Variants in ACP1 observed in about 807,000 individuals in gnomAD.
The protein encoded by ACP1 is acid phosphatase 1, also known as low molecular weight phosphotyrosine protein phosphatase.
ACP1 carries 23 observed loss-of-function variants against 23.4 expected under a neutral mutation model. That is an observed-to-expected ratio of 0.98 (90% confidence interval 0.71 to 1.39). The LOEUF (loss-of-function observed/expected upper bound fraction) is 1.39, where lower values mean the gene tolerates loss of function less well. Ranked by LOEUF, ACP1 falls within the 40% of genes most tolerant of loss-of-function variation. ACP1 has a pLI of 0.00. For synonymous variants in ACP1, 72 were observed against 67.2 expected, an observed-to-expected ratio of 1.07 and a Z score of -0.35; for missense variants, 180 against 197.7, an observed-to-expected ratio of 0.91 and a Z score of 0.54.
Position 277,250 on chromosome 2 carries a change from G to A in ACP1, c.423G>A (p.Thr141=), listed in dbSNP as rs55709515. Residue 141 remains threonine (T), a synonymous_variant, in exon 6 of 6, where the codon ACG becomes ACA. Transcript: ENST00000272065. ...AGGGGAATGACTCTGACTTTGAGAC[G>A]GTGTACCAGCAGTGTGTCAGGTGCT... ...PYYGNDSDFE[T]VYQQCVRCCR... 6,718 of 1,613,706 alleles carry A rather than the reference G, an allele frequency of 4.2e-3. 50 individuals carry two copies. Among genetic ancestry groups the A allele is most frequent in the Non-Finnish European group, 3.8e-3 (4,449 of 1,180,006 alleles).
chr2:266,744 A>C (rs1669897152), intron 1 of ACP1, among the ~76,000 whole-genome samples: 1 of 152,190 alleles, frequency 6.6e-6, no homozygotes, highest in South Asian at 2.1e-4. Context: ...TTACATTTTC[A>C]TGGATAGAAG....
At chr2:268,590 G>C (rs563630240) in intron 1 of ACP1, among the ~76,000 whole-genome samples, 4 of 152,188 alleles carry the variant, frequency 2.6e-5, no homozygotes, top group African/African-American at 9.7e-5. Context: ...TCTCTTACCA[G>C]GTATAGCAGA....
intron 4 of ACP1, among the ~76,000 whole-genome samples, chr2:276,194 C>T (rs893926667): frequency 5.3e-5 from 8 of 152,124 alleles, no homozygotes; most frequent in Admixed American, 3.3e-4. Flanking sequence ...TTGGGTCATT[C>T]GGCTCCTATT....
chr2:274,341 G>A (rs186029880), intron 3 of ACP1, among the ~76,000 whole-genome samples: 7 of 152,200 alleles, frequency 4.6e-5, no homozygotes, highest in Admixed American at 3.9e-4. Context: ...TCCGCAGTAC[G>A]TATGTTTATG....
chr2:269,275 G>A (rs1250121790), intron 1 of ACP1: 1 of 469,384 alleles, frequency 2.1e-6, no homozygotes, highest in Non-Finnish European at 4.4e-6. Flanking sequence ...AGGCTAATTT[G>A]TTGTCTTTCC....
chr2:264,959 G>C lies in ACP1; in HGVS notation c.-6G>C, dbSNP rs528331795. The C allele has an allele frequency of 9.3e-6, 15 of 1,612,454 alleles. No individual in the cohort carries two copies. Among genetic ancestry groups the C allele is most frequent in the African/African-American group, 8.0e-5 (6 of 74,784 alleles). On this transcript the variant is annotated 5_prime_UTR_variant, in exon 1 of 6. Transcript: ENST00000272065. ...GCGGTGTCTCGGCGCCTCTGCGCGC[G>C]GGAAGATGGCGGAACAGGCTACCAA... is the stretch of plus-strand genomic sequence containing the variant.
At chr2:275,940 TATTA>T (rs1198373743) in intron 4 of ACP1, among the ~76,000 whole-genome samples, 1 of 152,266 alleles carries the variant, frequency 6.6e-6, no homozygotes, top group South Asian at 2.1e-4. Flanking sequence ...AATTATTTTT[TATTA>T]ATTAGGACCT....
At chr2:272,666 A>G (rs962707114) in intron 3 of ACP1, 11 of 359,358 alleles carry the variant, frequency 3.1e-5, no homozygotes, top group Admixed American at 4.4e-5. Context: ...GAGGTTATAT[A>G]ATATATACAA....
At chr2:265,053 T>G (rs111546542) in intron 1 of ACP1, 46 bp downstream of exon 1, 5 of 1,605,962 alleles carry the variant, frequency 3.1e-6, no homozygotes, top group Non-Finnish European at 4.2e-6. Flanking sequence ...CTCTGGAGAG[T>G]TGGATCGGGC....
chr2:269,341 G>T (rs753034938), intron 1 of ACP1: 101 of 470,290 alleles, frequency 2.1e-4, no homozygotes, highest in Admixed American at 3.5e-4. Flanking sequence ...GTCTCTGTGG[G>T]AAAAAAGTAC....
chr2:275,211 T>C lies in ACP1; in HGVS notation c.293+10T>C. On this transcript the variant is annotated intron_variant, in intron 4 of 5. Coordinates refer to ENST00000272065, the MANE Select transcript of ACP1 (RefSeq NM_004300.4). ...ATGAAAGCAATCTGAGGTAATCCTGTTTTTGAAGAATATTTCTGTTCAACT... is the reference window on the plus strand; with the variant it reads ...ATGAAAGCAATCTGAGGTAATCCTGCTTTTGAAGAATATTTCTGTTCAACT... 6.7e-7 allele frequency: 1 copy of C among 1,485,238 alleles called. No individual in the cohort carries two copies. The highest frequency in any genetic ancestry group is 9.3e-7 in the Non-Finnish European group (1 of 1,079,082). 92.0% of individuals were successfully genotyped at this position (1,485,238 alleles called of 1,614,324 possible). A position where few individuals can be genotyped will look rare whatever the true frequency, so the allele number is the denominator to read the frequency against.
At chr2:269,348 G>T (rs1287122158) in intron 1 of ACP1, 2 of 470,768 alleles carry the variant, frequency 4.2e-6, no homozygotes, top group Non-Finnish European at 8.8e-6. Flanking sequence ...TGGGAAAAAA[G>T]TACGTAATAT....
rs1207199172 is a variant in ACP1 at position 277,239 on chromosome 2, G to C, written c.412G>C (p.Asp138His). The change falls in exon 6 of 6, where the codon GAC (aspartate) becomes CAC (histidine). Residue 138 changes from aspartate to histidine, a missense_variant. This residue lies in a region of ACP1 where 35 missense variants were observed against 40.5 expected (regional missense o/e 0.86). Coordinates refer to ENST00000272065, the MANE Select transcript of ACP1 (RefSeq NM_004300.4). ...IEDPYYGNDS[D>H]FETVYQQCVR... ...CCTGTCCATTTAGGGGAATGACTCT[G>C]ACTTTGAGACGGTGTACCAGCAGTG... 2 of 1,614,014 alleles carry C rather than the reference G, an allele frequency of 1.2e-6. No individual in the cohort carries two copies. The highest frequency in any genetic ancestry group is 1.7e-6 in the Non-Finnish European group (2 of 1,180,034).
At chr2:274,299 T>C (rs1670116223) in intron 3 of ACP1, among the ~76,000 whole-genome samples, 1 of 152,250 alleles carries the variant, frequency 6.6e-6, no homozygotes. Flanking sequence ...TCTCATTTTT[T>C]AGAAGAACAG....
intron 1 of ACP1, 138 bp from the exon 2 acceptor site, chr2:271,728 G>A (rs899784109): frequency 7.5e-5 from 55 of 730,196 alleles, no homozygotes; most frequent in African/African-American, 2.1e-4. Flanking sequence ...GGACAAAGGC[G>A]TCAAAGGATA....
intron 1 of ACP1, among the ~76,000 whole-genome samples, chr2:268,824 C>G (rs528836484): frequency 6.6e-6 from 1 of 152,138 alleles, no homozygotes; most frequent in Non-Finnish European, 1.5e-5. Context: ...CACTGATGAC[C>G]GGGGTGCTCC....
chr2:272,030 C>T lies in ACP1; in HGVS notation c.118-7C>T. On this transcript the variant is annotated splice_polypyrimidine_tract_variant and splice_region_variant and intron_variant, in intron 2 of 5. Coordinates refer to ENST00000272065, the MANE Select transcript of ACP1 (RefSeq NM_004300.4). The stretch of plus-strand genomic sequence containing the variant: ...AAAAAAAAAATTCCATGTTTCTTCC[C>T]CTGCAGTGGAGGGTAGACAGCGCGG... The T allele has an allele frequency of 3.1e-6, 5 of 1,613,110 alleles. No individual in the cohort carries two copies. The highest frequency in any genetic ancestry group is 4.2e-6 in the Non-Finnish European group (5 of 1,179,484).
Position 277,347 on chromosome 2 carries a change from C to A in ACP1, c.*43C>A, listed in dbSNP as rs773656331. On this transcript the variant is annotated 3_prime_UTR_variant, in exon 6 of 6. Transcript: ENST00000272065. ...CTGCGGCCAGCCTGACTAGACCCCA[C>A]CCTGAGGTCCTGCATTTCTCAGTCG... 3.9e-6 allele frequency: 6 copies of A among 1,544,976 alleles called. No individual in the cohort carries two copies. The Admixed American group carries it at 8.3e-5, about 21-fold the overall frequency.
At chr2:271,177 T>G (rs760419981) in intron 1 of ACP1, among the ~76,000 whole-genome samples, 5 of 152,234 alleles carry the variant, frequency 3.3e-5, no homozygotes, top group African/African-American at 2.4e-5. Context: ...GTTTGTGTAT[T>G]GTTTTGTGAA....
Sources: gnomAD v4.1 joint callset for allele counts (sites outside exome capture counted in the v4.1 genomes callset) on GRCh38, gnomAD v4.1.1 for gene constraint, gnomAD v4.1.1 regional missense constraint, MANE v1.5 for transcripts, NCBI Gene and HGNC (gene_info 2026-07-23, HGNC 2026-07-21) for gene names.